The following FAM222B variants were observed in gnomAD, a reference collection of about 807,000 sequenced individuals.
FAM222B encodes the protein family with sequence similarity 222 member B.
A neutral mutation model predicts 38.0 loss-of-function variants in FAM222B; 12 were observed. The observed-to-expected ratio is 0.32, with a 90% CI of 0.20 to 0.51. FAM222B has a LOEUF of 0.51. Ranked by LOEUF, FAM222B falls within the 20% of genes least tolerant of loss-of-function variation. The pLI is 0.97. For synonymous variants in FAM222B, 329 were observed against 317.2 expected (o/e 1.04, Z -0.40); for missense variants, 716 against 754.2 (o/e 0.95, Z 0.59).
At chr17:28,775,049 G>T (rs1405919370) in intron 1 of FAM222B, among the ~76,000 whole-genome samples, 2 of 133,044 alleles carry the variant, frequency 1.5e-5, no homozygotes, top group Admixed American at 8.3e-5. Flanking sequence ...TGCCCCGGCT[G>T]GAGTGCAGTG....
At chr17:28,764,683 G>C (rs914999469) in intron 2 of FAM222B, among the ~76,000 whole-genome samples, 1 of 151,782 alleles carries the variant, frequency 6.6e-6, no homozygotes, top group African/African-American at 2.4e-5. Flanking sequence ...GAAGGCGGAG[G>C]TTGCGTTGAG....
intron 1 of FAM222B, among the ~76,000 whole-genome samples, chr17:28,806,778 A>C (rs529137391): frequency 6.6e-6 from 1 of 152,280 alleles, no homozygotes; most frequent in African/African-American, 2.4e-5. Flanking sequence ...GAAAACTTCA[A>C]ATCATTTCAA....
chr17:28,836,396 C>A (rs2038846931), intron 1 of FAM222B, among the ~76,000 whole-genome samples: 1 of 151,960 alleles, frequency 6.6e-6, no homozygotes, highest in Non-Finnish European at 1.5e-5. Context: ...AATCCCAGCA[C>A]TTTGGGAGGC....
intron 1 of FAM222B, among the ~76,000 whole-genome samples, chr17:28,801,214 G>A (rs899552082): frequency 2.1e-5 from 3 of 144,874 alleles, no homozygotes; most frequent in Non-Finnish European, 4.5e-5. Context: ...AGCACTTTGG[G>A]AGGCCAAGGC....
chr17:28,795,200 T>C (rs2036882827), intron 1 of FAM222B, among the ~76,000 whole-genome samples: 1 of 152,212 alleles, frequency 6.6e-6, no homozygotes, highest in Non-Finnish European at 1.5e-5. Flanking sequence ...TTACCTACCC[T>C]GGAGTACAGT....
At chr17:28,785,650 C>T (rs944518042) in intron 1 of FAM222B, among the ~76,000 whole-genome samples, 4 of 152,088 alleles carry the variant, frequency 2.6e-5, no homozygotes, top group African/African-American at 9.7e-5. Flanking sequence ...ATTCTCCTGC[C>T]TCAGCCTCCC....
chr17:28,837,651 T>G (rs1181051161), intron 1 of FAM222B, among the ~76,000 whole-genome samples: 2 of 151,356 alleles, frequency 1.3e-5, no homozygotes, highest in Admixed American at 6.6e-5. Flanking sequence ...TTTTTGTTTT[T>G]TTTTTTTTGT....
intron 1 of FAM222B, among the ~76,000 whole-genome samples, chr17:28,770,268 T>C (rs574325629): frequency 1.3e-5 from 2 of 152,204 alleles, no homozygotes; most frequent in South Asian, 2.1e-4. Context: ...CTGTTGACCA[T>C]ATAAAAGGCA....
In FAM222B at chr17:28,759,668, G is replaced by T; in HGVS notation, c.291C>A (p.Thr97=). 6.2e-7 allele frequency: 1 copy of T among 1,613,512 alleles called. No individual in the cohort carries two copies. The highest frequency in any genetic ancestry group is 8.5e-7 in the Non-Finnish European group (1 of 1,179,714). ...TGACAATGGCAAGCAGGCCTGCCTT[G>T]GTGGCAGCCTGTGTCGGGTAGGGGC... ...RYSPYPTQAA[T]KAGLLAIVKV... The change falls in exon 3 of 3, where the codon ACC becomes ACA. Residue 97 remains threonine, a synonymous_variant. Transcript: ENST00000581407. The surrounding 1 kb of genome is among the most constrained non-coding windows in gnomAD (Gnocchi z 4.8).
intron 1 of FAM222B, among the ~76,000 whole-genome samples, chr17:28,849,879 C>G (rs936046786): frequency 5.3e-5 from 8 of 151,946 alleles, no homozygotes; most frequent in Admixed American, 5.3e-4. Context: ...ATTGGGAGTT[C>G]GAGACCAGCC....
At chr17:28,820,077 C>T (rs781076883) in intron 1 of FAM222B, among the ~76,000 whole-genome samples, 1 of 152,162 alleles carries the variant, frequency 6.6e-6, no homozygotes, top group Non-Finnish European at 1.5e-5. Context: ...TTACTTTGTT[C>T]TAAAATTAGC....
chr17:28,854,686 A>C (rs2039213378), intron 1 of FAM222B, among the ~76,000 whole-genome samples: 1 of 152,056 alleles, frequency 6.6e-6, no homozygotes, highest in Admixed American at 6.5e-5. Context: ...TCCCACAACC[A>C]TTCCTCCCTC....
intron 1 of FAM222B, among the ~76,000 whole-genome samples, chr17:28,853,492 G>A (rs544081933): frequency 2.6e-5 from 4 of 152,140 alleles, no homozygotes; most frequent in Non-Finnish European, 5.9e-5. Context: ...ACCAAAATCT[G>A]CTGATTCTCT....
Position 28,835,065 on chromosome 17 carries a change from T to TGTGTGTGTGTGTGA in FAM222B, c.-41+7616_-41+7617insTCACACACACACAC, listed in dbSNP as rs1351454161. Among the ~76,000 whole-genome samples, 4 of 128,676 alleles carry TGTGTGTGTGTGTGA rather than the reference T, an allele frequency of 3.1e-5. No individual in the cohort carries two copies. The South Asian group carries it at 7.5e-4, about 24-fold the overall frequency. 84.4% of individuals were successfully genotyped at this position (128,676 alleles called of 152,430 possible). ...GTGTGTGTGTGTGTGTGTGTGTGTGTGATGGAGTCACGCTCTATCGCCCAG... is the reference window on the plus strand; with the variant it reads ...GTGTGTGTGTGTGTGTGTGTGTGTGTGTGTGTGTGTGTGAGATGGAGTCACGCTCTATCGCCCAG... On this transcript the variant is annotated intron_variant, in intron 1 of 2. Transcript: ENST00000581407.
intron 1 of FAM222B, among the ~76,000 whole-genome samples, chr17:28,793,351 C>T (rs1230420863): frequency 6.6e-6 from 1 of 152,134 alleles, no homozygotes; most frequent in Non-Finnish European, 1.5e-5. Flanking sequence ...TTATATCTTC[C>T]AGAGTGTTAA....
rs377122069 is a variant in FAM222B at position 28,831,205 on chromosome 17, A to G, written c.-41+11477T>C. The stretch of plus-strand genomic sequence containing the variant: ...AGATGGGGTTTCACCATGTTGGCCA[A>G]GCTGGTCTCAAACTCCTGACCTCAA... On this transcript the variant is annotated intron_variant, in intron 1 of 2. Coordinates refer to ENST00000581407, the MANE Select transcript of FAM222B (RefSeq NM_001077498.3). 9.4e-4 allele frequency among the ~76,000 whole-genome samples: 143 copies of G among 151,802 alleles called. 4 individuals are homozygous for G. In the South Asian group the frequency reaches 0.028, roughly 30 times the overall value.
chr17:28,831,433 T>C (rs936333180), intron 1 of FAM222B, among the ~76,000 whole-genome samples: 1 of 152,150 alleles, frequency 6.6e-6, no homozygotes, highest in East Asian at 1.9e-4. Context: ...TGTTGTCCTT[T>C]TTCAAAATTG....
At chr17:28,766,399 GC>G (rs1266741539) in intron 2 of FAM222B, among the ~76,000 whole-genome samples, 186 bp downstream of exon 2, 1 of 151,630 alleles carries the variant, frequency 6.6e-6, no homozygotes, top group Non-Finnish European at 1.5e-5. Context: ...GTTGCAGTGA[GC>G]CAATCAAGAT....
intron 1 of FAM222B, among the ~76,000 whole-genome samples, chr17:28,772,168 G>C (rs980063491): frequency 2.0e-5 from 3 of 152,100 alleles, no homozygotes; most frequent in Non-Finnish European, 4.4e-5. Flanking sequence ...TGACGATGGG[G>C]ATACAAAAAC....
Sources: gnomAD v4.1 joint callset for allele counts (sites outside exome capture counted in the v4.1 genomes callset) on GRCh38, gnomAD v4.1.1 for gene constraint, Gnocchi (gnomAD v3.1) non-coding constraint, MANE v1.5 for transcripts, NCBI Gene and HGNC (gene_info 2026-07-23, HGNC 2026-07-21) for gene names.